Variants in NAALADL2 observed in about 807,000 individuals in gnomAD.
NAALADL2 encodes the protein N-acetylated alpha-linked acidic dipeptidase like 2.
In NAALADL2, 76 loss-of-function variants were observed where a neutral mutation model predicts 87.2. That is an observed-to-expected ratio of 0.87 (90% CI 0.72 to 1.05). NAALADL2 has a LOEUF of 1.05. Among genes scored for constraint, NAALADL2 ranks in the 50% least tolerant of loss-of-function variants. The pLI is 0.00. For synonymous variants in NAALADL2, 354 were observed against 331.0 expected (o/e 1.07, Z -0.75); for missense variants, 1,089 against 945.8 (o/e 1.15, Z -1.99).
intron 1 of NAALADL2, among the ~76,000 whole-genome samples, chr3:174,995,747 C>T (rs896141604): frequency 2.0e-5 from 3 of 151,322 alleles, no homozygotes; most frequent in African/African-American, 7.3e-5. Flanking sequence ...AAATCTATGC[C>T]TTAAACCTTA....
chr3:175,575,061 C>A (rs1718664770), intron 9 of NAALADL2, among the ~76,000 whole-genome samples: 1 of 152,078 alleles, frequency 6.6e-6, no homozygotes, highest in South Asian at 2.1e-4. Context: ...TAGTTTGTTT[C>A]ATTTTCGTAA....
chr3:174,809,295 G>A (rs973891980), intron 3 of NAALADL2, among the ~76,000 whole-genome samples: 4 of 152,236 alleles, frequency 2.6e-5, no homozygotes, highest in Admixed American at 1.3e-4. Context: ...TTGTTAGAAC[G>A]TAGCAGGAGC....
chr3:174,703,563 T>C (rs1489412102), intron 2 of NAALADL2, among the ~76,000 whole-genome samples: 1 of 152,122 alleles, frequency 6.6e-6, no homozygotes, highest in African/African-American at 2.4e-5. Flanking sequence ...CATAGATGCC[T>C]CTGAAAGACT....
intron 3 of NAALADL2, among the ~76,000 whole-genome samples, chr3:175,249,223 T>C (rs1266908332): frequency 6.6e-6 from 1 of 152,146 alleles, no homozygotes; most frequent in Non-Finnish European, 1.5e-5. Flanking sequence ...TTATACTTTA[T>C]TTTCTCCCAA....
At chr3:174,689,783 G>C (rs1298865795) in intron 2 of NAALADL2, among the ~76,000 whole-genome samples, 1 of 152,034 alleles carries the variant, frequency 6.6e-6, no homozygotes, top group East Asian at 1.9e-4. Flanking sequence ...TTTAATTTTA[G>C]TATTTTGAAG....
intron 1 of NAALADL2, among the ~76,000 whole-genome samples, chr3:174,908,897 GA>G (rs1218176415): frequency 6.6e-6 from 1 of 151,774 alleles, no homozygotes; most frequent in Non-Finnish European, 1.5e-5. Context: ...AAAGGAATCC[GA>G]AAGAGGGATG....
At chr3:175,156,489 T>A (rs1237975317) in intron 2 of NAALADL2, among the ~76,000 whole-genome samples, 1 of 152,156 alleles carries the variant, frequency 6.6e-6, no homozygotes, top group Admixed American at 6.6e-5. Flanking sequence ...AACACTATGT[T>A]GAAATAATAC....
chr3:175,764,771 A>G (rs1748474758), intron 13 of NAALADL2, among the ~76,000 whole-genome samples: 1 of 152,152 alleles, frequency 6.6e-6, no homozygotes, highest in Non-Finnish European at 1.5e-5. Flanking sequence ...TTATATGATC[A>G]GTTTCCAGCT....
intron 2 of NAALADL2, among the ~76,000 whole-genome samples, chr3:175,106,985 G>T (rs1723273433): frequency 6.6e-6 from 1 of 151,996 alleles, no homozygotes; most frequent in African/African-American, 2.4e-5. Flanking sequence ...TAACGAGAGA[G>T]AAAGTAAAGT....
Position 175,471,777 on chromosome 3 carries a change from G to T in NAALADL2, c.1653+19G>T, listed in dbSNP as rs749180934. The T allele has an allele frequency of 1.3e-6, 2 of 1,576,564 alleles. No individual in the cohort carries two copies. The highest frequency in any genetic ancestry group is 1.4e-5 in the African/African-American group (1 of 72,608). ...AGTAGAGGTAAGACAAACCACTATT[G>T]TATCAAATGATTATGCAAAACCGAC... On this transcript the variant is annotated intron_variant, in intron 9 of 13. Transcript: ENST00000454872.
At chr3:174,645,950 T>G (rs1216919007) in intron 2 of NAALADL2, among the ~76,000 whole-genome samples, 1 of 152,116 alleles carries the variant, frequency 6.6e-6, no homozygotes, top group African/African-American at 2.4e-5. Context: ...ATCACAAGGG[T>G]CTAGACAGTG....
chr3:175,714,170 G>A (rs530903508), intron 11 of NAALADL2, among the ~76,000 whole-genome samples: 8 of 152,210 alleles, frequency 5.3e-5, no homozygotes, highest in African/African-American at 1.9e-4. Flanking sequence ...TTGCTATTGT[G>A]AATAGTGCTG....
intron 5 of NAALADL2, among the ~76,000 whole-genome samples, chr3:175,430,291 G>A (rs1360528716): frequency 6.6e-6 from 1 of 151,492 alleles, no homozygotes; most frequent in East Asian, 1.9e-4. Context: ...AGTTATATAC[G>A]CATATGTGTA....
chr3:175,611,673 G>C (rs1724669537), intron 10 of NAALADL2, among the ~76,000 whole-genome samples: 1 of 152,072 alleles, frequency 6.6e-6, no homozygotes, highest in Admixed American at 6.5e-5. Flanking sequence ...ATTAAGGAAA[G>C]ATGCTATCAG....
At chr3:175,665,495 A>T (rs969563559) in intron 11 of NAALADL2, among the ~76,000 whole-genome samples, 1 of 152,184 alleles carries the variant, frequency 6.6e-6, no homozygotes, top group Non-Finnish European at 1.5e-5. Context: ...TGCAAATATA[A>T]ATCTCTGTAT....
At chr3:175,786,345 A>T (rs537126192) in intron 13 of NAALADL2, among the ~76,000 whole-genome samples, 40 of 152,266 alleles carry the variant, frequency 2.6e-4, no homozygotes, top group African/African-American at 9.4e-4. Context: ...CACCAATGAG[A>T]TGTAGATTTG....
intron 2 of NAALADL2, among the ~76,000 whole-genome samples, chr3:174,657,073 A>G (rs1409617182): frequency 9.2e-6 from 1 of 109,074 alleles, no homozygotes; most frequent in Non-Finnish European, 1.7e-5. Context: ...TCCGTTGCCT[A>G]GATTGGAGTT....
chr3:175,233,046 A>G (rs1745220652), intron 2 of NAALADL2, among the ~76,000 whole-genome samples: 1 of 152,206 alleles, frequency 6.6e-6, no homozygotes, highest in Non-Finnish European at 1.5e-5. Context: ...TGGGATAGGT[A>G]TAGAAATAAA....
chr3:175,364,065 T>A (rs1765305426), intron 5 of NAALADL2, among the ~76,000 whole-genome samples: 1 of 147,794 alleles, frequency 6.8e-6, no homozygotes, highest in Non-Finnish European at 1.5e-5. Context: ...GTAAAGTGGC[T>A]GTGTTAGTGA....
Sources: allele counts gnomAD v4.1 joint callset (sites outside exome capture counted in the v4.1 genomes callset), GRCh38; gene constraint gnomAD v4.1.1; transcripts MANE v1.5; gene names NCBI Gene and HGNC (gene_info 2026-07-23, HGNC 2026-07-21).